Variants in S100Z observed in about 807,000 individuals in gnomAD.
The protein encoded by S100Z is S100 calcium binding protein Z, also known as protein S100-Z.
Under a neutral mutation model 8.5 loss-of-function variants are expected in S100Z, and 11 were observed. That is an observed-to-expected ratio of 1.30 (90% confidence interval 0.82 to 2.15). The LOEUF is 2.15. Among genes scored for constraint, S100Z ranks in the 30% most tolerant of loss-of-function variants. The pLI is 0.00. For missense variants in S100Z, 126 were observed against 117.9 expected (o/e 1.07, Z -0.32); for synonymous variants, 34 against 43.8 (o/e 0.78, Z 0.89).
the S100Z span, among the ~76,000 whole-genome samples, chr5:76,939,098 C>A: frequency 6.6e-6 from 1 of 152,044 alleles, no homozygotes; most frequent in Non-Finnish European, 1.5e-5. Flanking sequence ...CTGCTCTGCT[C>A]TTCCAATGTC....
chr5:76,854,488 T>C (rs1213470154), intron 1 of S100Z, among the ~76,000 whole-genome samples: 2 of 152,216 alleles, frequency 1.3e-5, no homozygotes, highest in East Asian at 3.8e-4. Flanking sequence ...CCTAGAGATC[T>C]GTGGAGCTTT....
At chr5:76,876,337 C>G (rs1184945668) in intron 3 of S100Z, among the ~76,000 whole-genome samples, 1 of 151,146 alleles carries the variant, frequency 6.6e-6, no homozygotes, top group African/African-American at 2.4e-5. Context: ...TTCCCACAAA[C>G]TTTTCTTTTC....
At chr5:76,909,666 C>G (rs917566761) in intron 4 of S100Z, among the ~76,000 whole-genome samples, 1 of 152,196 alleles carries the variant, frequency 6.6e-6, no homozygotes, top group South Asian at 2.1e-4. Context: ...ACAAAAACCC[C>G]TGGGCTATCA....
chr5:76,932,243 C>A, the S100Z span, among the ~76,000 whole-genome samples: 1 of 152,116 alleles, frequency 6.6e-6, no homozygotes, highest in Admixed American at 6.5e-5. Flanking sequence ...TAGGCACAAC[C>A]TAAGTAATAT....
the S100Z span, among the ~76,000 whole-genome samples, chr5:76,936,367 A>C: frequency 1.1e-3 from 173 of 152,286 alleles, no homozygotes; most frequent in African/African-American, 3.9e-3. Flanking sequence ...TTTTATAAGA[A>C]AAATTATGTA....
At chr5:76,927,433 T>C in the S100Z span, among the ~76,000 whole-genome samples, 4 of 152,158 alleles carry the variant, frequency 2.6e-5, no homozygotes, top group Admixed American at 2.6e-4. Flanking sequence ...CTTTCTCACC[T>C]CCATTCAGAT....
At chr5:76,925,874 G>A (rs1745129926), downstream of S100Z, among the ~76,000 whole-genome samples, 1 of 152,208 alleles carries the variant, frequency 6.6e-6, no homozygotes, top group South Asian at 2.1e-4. Flanking sequence ...GGCTGAGGCA[G>A]GAGAATTGCT....
intron 4 of S100Z, among the ~76,000 whole-genome samples, chr5:76,905,060 G>C (rs1426034651): frequency 6.6e-6 from 1 of 152,164 alleles, no homozygotes; most frequent in Non-Finnish European, 1.5e-5. Flanking sequence ...CAGAGTTGCT[G>C]CTGGCCTCTA....
At chr5:76,918,003 T>G (rs1159078028) in intron 4 of S100Z, among the ~76,000 whole-genome samples, 1 of 152,204 alleles carries the variant, frequency 6.6e-6, no homozygotes, top group Non-Finnish European at 1.5e-5. Flanking sequence ...TGTGTAGTCT[T>G]TAGGGTATCT....
At chr5:76,873,311 A>T (rs1289871818) in intron 2 of S100Z, among the ~76,000 whole-genome samples, 1 of 134,680 alleles carries the variant, frequency 7.4e-6, no homozygotes, top group Non-Finnish European at 1.6e-5. Context: ...AAAACTAACA[A>T]TTTTTTTTTT....
chr5:76,883,177 T>C (rs1743476146), intron 4 of S100Z, among the ~76,000 whole-genome samples: 1 of 151,880 alleles, frequency 6.6e-6, no homozygotes, highest in Non-Finnish European at 1.5e-5. Flanking sequence ...AATGGGATGG[T>C]AAGGGGTGCA....
the S100Z span, among the ~76,000 whole-genome samples, chr5:76,927,901 A>T: frequency 1.3e-5 from 2 of 152,168 alleles, no homozygotes; most frequent in East Asian, 3.8e-4. Context: ...CAGCAAATAC[A>T]TGGAAAAGCC....
At chr5:76,875,556 T>C in intron 3 of S100Z, 56 bp downstream of exon 3, 1 of 1,497,150 alleles carries the variant, frequency 6.7e-7, no homozygotes, top group Non-Finnish European at 9.0e-7. Flanking sequence ...AGGTGCAGAT[T>C]CCAGGACAGC....
intron 4 of S100Z, among the ~76,000 whole-genome samples, chr5:76,881,134 A>G (rs746357524): frequency 2.0e-5 from 3 of 152,214 alleles, no homozygotes; most frequent in African/African-American, 4.8e-5. Context: ...ACTTCTATCC[A>G]CTTAAAGAGA....
At chr5:76,884,488 A>G (rs575322249) in intron 4 of S100Z, among the ~76,000 whole-genome samples, 1 of 152,342 alleles carries the variant, frequency 6.6e-6, no homozygotes, top group South Asian at 2.1e-4. Flanking sequence ...TCAGGATGAC[A>G]TTTAAGTCAC....
rs149247115 is a variant in S100Z at position 76,863,351 on chromosome 5, A to G, written c.-175-6815A>G. ...CCTTAACACACTTTAGAATCAAAAA[A>G]TTGTTTAAAGGAAAGGGAACTTCAA... On this transcript the variant is annotated intron_variant, in intron 1 of 4. Transcript: ENST00000317593. Among the ~76,000 whole-genome samples the G allele has an allele frequency of 3.4e-3, 520 of 152,318 alleles. 2 individuals are homozygous for G. The highest frequency in any genetic ancestry group is 0.012 in the African/African-American group (493 of 41,576).
chr5:76,939,783 G>A, the S100Z span, among the ~76,000 whole-genome samples: 4 of 152,016 alleles, frequency 2.6e-5, no homozygotes, highest in South Asian at 2.1e-4. Context: ...AAAGTGCTGG[G>A]ATTACAGGTG....
intron 1 of S100Z, among the ~76,000 whole-genome samples, chr5:76,859,385 T>A (rs1034424325): frequency 6.6e-6 from 1 of 152,150 alleles, no homozygotes; most frequent in Admixed American, 6.5e-5. Context: ...GAATGCTCTT[T>A]CTAGAATCGA....
chr5:76,936,629 A>ACACACG, the S100Z span, among the ~76,000 whole-genome samples: 465 of 136,552 alleles, frequency 3.4e-3, 5 homozygotes, highest in African/African-American at 0.012. Flanking sequence ...ACACACACAC[A>ACACACG]CACACACACA....
Sources: allele counts gnomAD v4.1 joint callset (sites outside exome capture counted in the v4.1 genomes callset), GRCh38; gene constraint gnomAD v4.1.1; transcripts MANE v1.5; gene names NCBI Gene and HGNC (gene_info 2026-07-23, HGNC 2026-07-21).